Variants in RCAN2 observed in about 807,000 individuals in gnomAD.
The protein encoded by RCAN2 is calcipressin-2.
A neutral mutation model predicts 23.6 loss-of-function variants in RCAN2; 9 were observed. The observed-to-expected ratio is 0.38, with a 90% CI of 0.23 to 0.67. The LOEUF is 0.67. Among genes scored for constraint, RCAN2 ranks in the 30% least tolerant of loss-of-function variants. The pLI, the probability that RCAN2 is intolerant of heterozygous loss-of-function variation, is 0.51. For synonymous variants in RCAN2, 109 were observed against 115.7 expected (o/e 0.94, Z 0.37); for missense variants, 273 against 302.3 (o/e 0.90, Z 0.72).
chr6:46,331,569 A>G (rs1207246707), intron 2 of RCAN2, among the ~76,000 whole-genome samples: 2 of 152,182 alleles, frequency 1.3e-5, no homozygotes, highest in African/African-American at 4.8e-5. Flanking sequence ...TTATGGTATG[A>G]CAAGATGTTC....
At chr6:46,338,155 A>G (rs1764199912) in intron 2 of RCAN2, among the ~76,000 whole-genome samples, 3 of 152,214 alleles carry the variant, frequency 2.0e-5, no homozygotes, top group Non-Finnish European at 2.9e-5. Flanking sequence ...ATAGGGGATG[A>G]GCAGGTGGCT....
In RCAN2 at chr6:46,474,939, C is replaced by T. The variant is rs1439296433; in HGVS notation, c.-3+16234G>A. Among the ~76,000 whole-genome samples the T allele has an allele frequency of 3.3e-5, 5 of 152,266 alleles. No individual in the cohort carries two copies. In the South Asian group the frequency reaches 6.2e-4, roughly 19 times the overall value. ...TTTCTAGGTGAACATTGTCTTACTG[C>T]TTTACTACTCATATTATTTTTTCTA... On this transcript the variant is annotated intron_variant, in intron 1 of 4. Coordinates refer to ENST00000371374, the MANE Select transcript of RCAN2 (RefSeq NM_001251974.2).
chr6:46,230,767 C>T (rs1744052016), intron 4 of RCAN2, among the ~76,000 whole-genome samples: 1 of 152,188 alleles, frequency 6.6e-6, no homozygotes, highest in Admixed American at 6.5e-5. Flanking sequence ...GCTGCACCCA[C>T]TGTCCAACAA....
At chr6:46,417,677 A>G (rs756140201) in intron 2 of RCAN2, among the ~76,000 whole-genome samples, 3 of 152,186 alleles carry the variant, frequency 2.0e-5, no homozygotes, top group Non-Finnish European at 2.9e-5. Flanking sequence ...CTAATTCCTT[A>G]TATATAATCT....
chr6:46,450,779 T>C (rs1767855252), intron 2 of RCAN2, among the ~76,000 whole-genome samples: 1 of 151,986 alleles, frequency 6.6e-6, no homozygotes, highest in Non-Finnish European at 1.5e-5. Context: ...TACCAGGGGC[T>C]GGGAAGTTGT....
intron 2 of RCAN2, among the ~76,000 whole-genome samples, chr6:46,250,835 C>T (rs1429803814): frequency 1.3e-5 from 2 of 152,130 alleles, no homozygotes; most frequent in Non-Finnish European, 2.9e-5. Flanking sequence ...AGGAGTAACT[C>T]GAATGTCAGG....
intron 2 of RCAN2, among the ~76,000 whole-genome samples, chr6:46,309,783 T>G (rs1763194084): frequency 6.6e-6 from 1 of 152,148 alleles, no homozygotes; most frequent in South Asian, 2.1e-4. Flanking sequence ...TTTAAGAGAA[T>G]TTGGAAGATA....
chr6:46,416,783 A>C (rs1766728261), intron 2 of RCAN2, among the ~76,000 whole-genome samples: 1 of 152,122 alleles, frequency 6.6e-6, no homozygotes, highest in Non-Finnish European at 1.5e-5. Flanking sequence ...TGGCCTCCCA[A>C]AGGGCTGGGA....
At chr6:46,355,761 G>A (rs1042007914) in intron 2 of RCAN2, among the ~76,000 whole-genome samples, 2 of 152,208 alleles carry the variant, frequency 1.3e-5, no homozygotes, top group African/African-American at 4.8e-5. Flanking sequence ...AAATGGTGTA[G>A]AACAAAAACT....
chr6:46,334,394 A>G (rs1433559836), intron 2 of RCAN2, among the ~76,000 whole-genome samples: 2 of 152,320 alleles, frequency 1.3e-5, no homozygotes, highest in East Asian at 1.9e-4. Flanking sequence ...GAATGAATAC[A>G]TGAATGAATG....
intron 2 of RCAN2, among the ~76,000 whole-genome samples, chr6:46,271,455 C>A (rs1206411113): frequency 6.6e-6 from 1 of 152,188 alleles, no homozygotes; most frequent in African/African-American, 2.4e-5. Flanking sequence ...CCAAAAAGCA[C>A]CTTCACGGAA....
At chr6:46,227,902 G>A (rs930976570) in intron 4 of RCAN2, among the ~76,000 whole-genome samples, 2 of 152,036 alleles carry the variant, frequency 1.3e-5, no homozygotes, top group Admixed American at 6.5e-5. Flanking sequence ...GCTTTCTCTT[G>A]TGGGCATTTA....
intron 2 of RCAN2, among the ~76,000 whole-genome samples, chr6:46,290,413 A>C (rs1762519978): frequency 6.6e-6 from 1 of 152,314 alleles, no homozygotes; most frequent in South Asian, 2.1e-4. Context: ...CAGAAAACAT[A>C]ATTGGGATGA....
At chr6:46,417,011 G>C (rs1766733321) in intron 2 of RCAN2, among the ~76,000 whole-genome samples, 1 of 152,076 alleles carries the variant, frequency 6.6e-6, no homozygotes, top group African/African-American at 2.4e-5. Flanking sequence ...CATATTGCTA[G>C]ACTTTATTTC....
chr6:46,453,701 G>A (rs1402113622), intron 2 of RCAN2, among the ~76,000 whole-genome samples: 1 of 152,120 alleles, frequency 6.6e-6, no homozygotes, highest in Non-Finnish European at 1.5e-5. Flanking sequence ...CAGACATGTA[G>A]GAAAATAGAG....
intron 1 of RCAN2, among the ~76,000 whole-genome samples, chr6:46,473,666 T>C (rs1464933908): frequency 1.3e-5 from 2 of 152,176 alleles, no homozygotes; most frequent in East Asian, 1.9e-4. Flanking sequence ...CAAAACTAAC[T>C]TGGGATTTTT....
At chr6:46,273,960 A>T (rs4714917) in intron 2 of RCAN2, among the ~76,000 whole-genome samples, 119,023 of 151,732 alleles carry the variant, frequency 0.78, 46,973 homozygotes, top group Non-Finnish European at 0.83. Flanking sequence ...CGTCTCTATG[A>T]AAGGCTGGGT....
At chr6:46,308,396 A>G (rs528979922) in intron 2 of RCAN2, among the ~76,000 whole-genome samples, 1 of 152,280 alleles carries the variant, frequency 6.6e-6, no homozygotes, top group East Asian at 1.9e-4. Flanking sequence ...CTTCTCTTAG[A>G]CAAATTGGTT....
intron 2 of RCAN2, among the ~76,000 whole-genome samples, chr6:46,340,645 A>C (rs1561866358): frequency 6.6e-6 from 1 of 152,152 alleles, no homozygotes; most frequent in African/African-American, 2.4e-5. Context: ...CTTCTATCAC[A>C]TTGTGATGGG....
Sources: gnomAD v4.1 joint callset for allele counts (sites outside exome capture counted in the v4.1 genomes callset) on GRCh38, gnomAD v4.1.1 for gene constraint, MANE v1.5 for transcripts, NCBI Gene and HGNC (gene_info 2026-07-23, HGNC 2026-07-21) for gene names.